Variants in MRPS10 observed in about 807,000 individuals in gnomAD.
MRPS10 encodes the protein mitochondrial ribosomal protein S10.
A neutral mutation model predicts 27.5 loss-of-function variants in MRPS10; 23 were observed. The ratio of observed to expected loss-of-function variants is 0.84; its 90% CI spans 0.60 to 1.18. MRPS10 has a LOEUF of 1.18. Ranked by LOEUF, MRPS10 falls within the 50% of genes most tolerant of loss-of-function variation. MRPS10 has a pLI of 0.00. For synonymous variants in MRPS10, 88 were observed against 84.2 expected (o/e 1.04, Z -0.25); for missense variants, 237 against 240.1 (o/e 0.99, Z 0.09).
chr6:42,216,015 TTTTTTCTTTTC>T (rs1278288715), intron 1 of MRPS10, among the ~76,000 whole-genome samples: 3 of 136,108 alleles, frequency 2.2e-5, no homozygotes, highest in Non-Finnish European at 4.7e-5. Flanking sequence ...CTTTTCTTTT[TTTTTTCTTTTC>T]TTTTTTTTTT....
intron 4 of MRPS10, 150 bp from the exon 5 acceptor site, chr6:42,210,746 G>T: frequency 8.3e-7 from 1 of 1,201,578 alleles, no homozygotes; most frequent in East Asian, 2.8e-5. Flanking sequence ...AACAACAACT[G>T]CTATCATAAA....
intron 1 of MRPS10, among the ~76,000 whole-genome samples, chr6:42,216,916 T>C (rs1768957366): frequency 6.6e-6 from 1 of 152,188 alleles, no homozygotes; most frequent in Non-Finnish European, 1.5e-5. Flanking sequence ...ACTATTTTCA[T>C]AAAACCAAAA....
At chr6:42,209,468 G>A (rs575747311) in intron 5 of MRPS10, among the ~76,000 whole-genome samples, 9 of 152,084 alleles carry the variant, frequency 5.9e-5, no homozygotes, top group Admixed American at 3.9e-4. Flanking sequence ...TAGGGACTGC[G>A]CAGGCACAGT....
chr6:42,210,090 C>G (rs763629360), intron 5 of MRPS10, among the ~76,000 whole-genome samples: 8 of 152,218 alleles, frequency 5.3e-5, no homozygotes, highest in Non-Finnish European at 7.3e-5. Flanking sequence ...CACGACTGTG[C>G]TGGCACTAAT....
At chr6:42,217,663 C>G in intron 1 of MRPS10, 139 bp downstream of exon 1, 5 of 770,756 alleles carry the variant, frequency 6.5e-6, no homozygotes, top group Non-Finnish European at 1.1e-5. Flanking sequence ...TAGCCCCTTT[C>G]TCGTCACTTT....
chr6:42,212,065 CTAGA>C, intron 3 of MRPS10, 148 bp from the exon 4 acceptor site: 1 of 675,078 alleles, frequency 1.5e-6, no homozygotes, highest in Non-Finnish European at 2.5e-6. Flanking sequence ...GCTGAAGTGT[CTAGA>C]TACTTTCATG....
intron 1 of MRPS10, among the ~76,000 whole-genome samples, chr6:42,216,385 A>AGAGTGTGTGTGTGTGTGT: frequency 4.4e-4 from 26 of 58,698 alleles, no homozygotes; most frequent in African/African-American, 1.1e-3. Flanking sequence ...AGAGAGAGAG[A>AGAGTGTGTGTGTGTGTGT]GTGTGTGTGT....
Position 42,207,172 on chromosome 6 carries a change from C to T in MRPS10, c.*1117G>A, listed in dbSNP as rs2113856219. 1 of 152,150 alleles carries T rather than the reference C, an allele frequency of 6.6e-6. No homozygotes were observed. Among genetic ancestry groups the T allele is most frequent in the African/African-American group, 2.4e-5 (1 of 41,480 alleles). 9.4% of individuals were successfully genotyped at this position (152,150 alleles called of 1,614,324 possible). Reference sequence around the variant, plus strand: ...ACATTTACCAAAATAAAGAGGGCTTCTCAGTGAGAAGCTTAATAAAGAAAA... The same window carrying T: ...ACATTTACCAAAATAAAGAGGGCTTTTCAGTGAGAAGCTTAATAAAGAAAA... On this transcript the variant is annotated 3_prime_UTR_variant, in exon 7 of 7. Transcript: ENST00000053468.
At chr6:42,216,439 G>A (rs969625175) in intron 1 of MRPS10, among the ~76,000 whole-genome samples, 1 of 141,122 alleles carries the variant, frequency 7.1e-6, no homozygotes, top group African/African-American at 2.5e-5. Context: ...TTGGAAGGGA[G>A]GGCTGTCTGG....
chr6:42,208,333 T>A lies in MRPS10; in HGVS notation c.562A>T (p.Ile188Phe), dbSNP rs754001754. 3 of 1,612,986 alleles carry A rather than the reference T, an allele frequency of 1.9e-6. No homozygotes were observed. The Admixed American group carries it at 5.0e-5, about 27-fold the overall frequency. ...TTTTCTTCTGATAGTGTTTCCCAGA[T>A]TGGCTCCTTGATGTGTTCTGGTAAC... ...EQLPEHIKEP[I>F]WETLSEEKEE... is the part of the protein sequence containing the mutation. The change falls in exon 7 of 7, where the codon ATC becomes TTC. Residue 188 changes from isoleucine (I) to phenylalanine (F), a missense_variant. Coordinates refer to ENST00000053468, the MANE Select transcript of MRPS10 (RefSeq NM_018141.4).
intron 1 of MRPS10, among the ~76,000 whole-genome samples, chr6:42,214,992 T>TA (rs991825148): frequency 2.0e-5 from 3 of 152,190 alleles, no homozygotes; most frequent in African/African-American, 7.2e-5. Flanking sequence ...AAACAAACGA[T>TA]ACTACTACAT....
At position 42,217,820 on chromosome 6, in the gene MRPS10, C is replaced by A. The variant is rs1421577652; in HGVS notation, c.30G>T (p.Val10=). The A allele has an allele frequency of 6.2e-7, 1 of 1,614,076 alleles. No homozygotes were observed. Among genetic ancestry groups the A allele is most frequent in the Non-Finnish European group, 8.5e-7 (1 of 1,180,022 alleles). Reference sequence around the variant, plus strand: ...CCAGTACCTGCCAGAGGCGCCGGCACACAGCACCGAACGCTGTCCGCGCCG... The same window carrying A: ...CCAGTACCTGCCAGAGGCGCCGGCAAACAGCACCGAACGCTGTCCGCGCCG... The part of the protein sequence containing the change: MAARTAFGA[V]CRRLWQGLGN... The change falls in exon 1 of 7, where the codon GTG becomes GTT. Residue 10 remains valine (V), a synonymous_variant. Transcript: ENST00000053468.
chr6:42,214,047 A>G, intron 3 of MRPS10, 73 bp downstream of exon 3: 1 of 1,347,106 alleles, frequency 7.4e-7, no homozygotes, highest in Non-Finnish European at 1.0e-6. Flanking sequence ...TTGGGGAAAA[A>G]AAACCCAATG....
At chr6:42,210,720 C>T (rs1768750192) in intron 4 of MRPS10, 124 bp from the exon 5 acceptor site, 5 of 1,335,874 alleles carry the variant, frequency 3.7e-6, no homozygotes, top group East Asian at 5.6e-5. Context: ...TTCCATTTGC[C>T]AAAACTGTCA....
chr6:42,214,897 CT>C (rs1230438070), intron 1 of MRPS10, among the ~76,000 whole-genome samples: 1 of 152,180 alleles, frequency 6.6e-6, no homozygotes, highest in Non-Finnish European at 1.5e-5. Flanking sequence ...TCATTAACTA[CT>C]GTGCCACATG....
At chr6:42,215,094 A>T (rs1768885116) in intron 1 of MRPS10, among the ~76,000 whole-genome samples, 2 of 152,132 alleles carry the variant, frequency 1.3e-5, no homozygotes, top group Admixed American at 6.6e-5. Context: ...AAACACAATG[A>T]AGATGAAAAT....
intron 3 of MRPS10, 77 bp from the exon 4 acceptor site, chr6:42,211,994 T>G: frequency 7.5e-7 from 1 of 1,340,748 alleles, no homozygotes; most frequent in South Asian, 1.3e-5. Flanking sequence ...TTAGCCTCAA[T>G]TGAACAACTT....
rs571513636 is a variant in MRPS10, at chr6:42,207,807, G to A, written c.*482C>T. The A allele has an allele frequency of 1.2e-4, 19 of 164,126 alleles. No homozygotes were observed. Among genetic ancestry groups the A allele is most frequent in the East Asian group, 1.9e-4 (1 of 5,258 alleles). 10.2% of individuals were successfully genotyped at this position (164,126 alleles called of 1,614,324 possible). On this transcript the variant is annotated 3_prime_UTR_variant, in exon 7 of 7. Coordinates refer to ENST00000053468, the MANE Select transcript of MRPS10 (RefSeq NM_018141.4). The stretch of plus-strand genomic sequence containing the variant: ...TGTAATGCTTACATGAGATAAAATC[G>A]GTTGGTTACCACCCCCAAATTAGCA...
intron 5 of MRPS10, among the ~76,000 whole-genome samples, chr6:42,209,970 C>A (rs957817306): frequency 3.9e-5 from 6 of 152,058 alleles, no homozygotes; most frequent in African/African-American, 1.2e-4. Flanking sequence ...CACTATTATT[C>A]CCATTTTATA....
Sources: gnomAD v4.1 joint callset for allele counts (sites outside exome capture counted in the v4.1 genomes callset) on GRCh38, gnomAD v4.1.1 for gene constraint, MANE v1.5 for transcripts, NCBI Gene and HGNC (gene_info 2026-07-23, HGNC 2026-07-21) for gene names.